Variants in ARMC6 observed in about 807,000 individuals in gnomAD.
The protein encoded by ARMC6 is armadillo repeat-containing protein 6.
Under a neutral mutation model 49.2 loss-of-function variants are expected in ARMC6, and 43 were observed. That is an observed-to-expected ratio of 0.87 (90% CI 0.69 to 1.13). ARMC6 has a LOEUF of 1.13. Among genes scored for constraint, ARMC6 ranks in the 50% most tolerant of loss-of-function variants. The probability of loss-of-function intolerance (pLI) is 0.00; values close to 1 mark genes in which losing one functional copy is unlikely to be tolerated. For missense variants in ARMC6, 627 were observed against 682.0 expected (o/e 0.92, Z 0.90); for synonymous variants, 262 against 289.6 (o/e 0.90, Z 0.97).
At position 19,051,925 on chromosome 19, in the gene ARMC6, A is replaced by G. The variant is rs1056195220; in HGVS notation, c.583A>G (p.Thr195Ala). Residue 195 changes from threonine to alanine, a missense_variant, in exon 5 of 9, where the codon ACC becomes GCC. Thr to Ala is a moderately conservative substitution (Grantham distance 58). Coordinates refer to ENST00000535612, the MANE Select transcript of ARMC6 (RefSeq NM_001199196.2). ...CCAGAATGCTGATGAGGCTGACCTGACCTGCTCTGGGATCCGCTGTGTGCG... is the reference window on the plus strand; with the variant it reads ...CCAGAATGCTGATGAGGCTGACCTGGCCTGCTCTGGGATCCGCTGTGTGCG... The part of the protein sequence containing the change: ...LTQNADEADL[T>A]CSGIRCVRHA... The G allele has an allele frequency of 2.0e-5, 32 of 1,613,994 alleles. No homozygotes were observed. The highest frequency in any genetic ancestry group is 2.6e-5 in the Non-Finnish European group (31 of 1,180,040).
At chr19:19,034,923 G>T (rs2059338982) in intron 2 of ARMC6, among the ~76,000 whole-genome samples, 2 of 147,478 alleles carry the variant, frequency 1.4e-5, no homozygotes, top group South Asian at 2.2e-4. Flanking sequence ...GTGCAGTGGC[G>T]CAATCTCAGC....
chr19:19,036,658 C>T (rs986695705), intron 2 of ARMC6, among the ~76,000 whole-genome samples: 66 of 152,272 alleles, frequency 4.3e-4, no homozygotes, highest in African/African-American at 1.5e-3. Flanking sequence ...AAAGAGCTCC[C>T]TTTTCTTCTG....
At chr19:19,051,598 T>G in intron 4 of ARMC6, 24 bp from the exon 5 acceptor site, 1 of 1,562,448 alleles carries the variant, frequency 6.4e-7, no homozygotes, top group Non-Finnish European at 8.7e-7. Flanking sequence ...GAGCTGATGC[T>G]GAGGTTTCTC....
intron 2 of ARMC6, 32 bp from the exon 3 acceptor site, chr19:19,042,679 G>C: frequency 6.2e-7 from 1 of 1,608,286 alleles, no homozygotes; most frequent in Non-Finnish European, 8.5e-7. Context: ...GCTCACCCTT[G>C]AGGTAGCTCT....
Position 19,042,973 on chromosome 19 carries a change from C to G in ARMC6, c.196+96C>G. ...CCCGCCCCACTGGGGGTGCCACATG[C>G]CTGGCATAGAAACCAGGTGCCATTG... On this transcript the variant is annotated intron_variant, in intron 3 of 8. Coordinates refer to ENST00000535612, the MANE Select transcript of ARMC6 (RefSeq NM_001199196.2). The G allele has an allele frequency of 2.7e-6, 4 of 1,476,204 alleles. No homozygotes were observed. The South Asian group carries it at 3.7e-5, about 14-fold the overall frequency. 91.4% of individuals were successfully genotyped at this position (1,476,204 alleles called of 1,614,324 possible).
At chr19:19,038,898 T>TATACAC (rs1555756882) in intron 2 of ARMC6, among the ~76,000 whole-genome samples, 2 of 147,210 alleles carry the variant, frequency 1.4e-5, no homozygotes, top group Non-Finnish European at 3.0e-5. Flanking sequence ...TTTGTGTGTA[T>TATACAC]ACACACACAC....
chr19:19,043,081 T>C (rs1250815492), intron 3 of ARMC6, among the ~76,000 whole-genome samples: 1 of 152,198 alleles, frequency 6.6e-6, no homozygotes, highest in Non-Finnish European at 1.5e-5. Flanking sequence ...CGCCCAGATA[T>C]TTGTGGGCTG....
chr19:19,039,919 T>C (rs2059398552), intron 2 of ARMC6, among the ~76,000 whole-genome samples: 2 of 152,184 alleles, frequency 1.3e-5, no homozygotes, highest in African/African-American at 4.8e-5. Flanking sequence ...TTGGTTAAGG[T>C]GTCAGAGCTG....
chr19:19,056,810 CAG>C (rs1382754925), intron 8 of ARMC6, among the ~76,000 whole-genome samples: 4 of 152,188 alleles, frequency 2.6e-5, no homozygotes, highest in African/African-American at 9.6e-5. Context: ...CTGGGACCCA[CAG>C]GGGGCCTTTG....
chr19:19,037,853 C>A (rs1048510464), intron 2 of ARMC6: 1 of 318,180 alleles, frequency 3.1e-6, no homozygotes, highest in Non-Finnish European at 5.3e-6. Flanking sequence ...TGGTTAAGAT[C>A]ATCTACAGCA....
intron 8 of ARMC6, 128 bp downstream of exon 8, chr19:19,056,056 C>T (rs2059542248): frequency 9.4e-7 from 1 of 1,066,898 alleles, no homozygotes; most frequent in Non-Finnish European, 1.3e-6. Flanking sequence ...TATCCCTATC[C>T]CTGTCCCTGT....
intron 4 of ARMC6, among the ~76,000 whole-genome samples, chr19:19,051,371 CTCTCTG>C (rs1392021765): frequency 1.7e-4 from 21 of 122,884 alleles, no homozygotes; most frequent in African/African-American, 5.1e-4. Flanking sequence ...CTCTCTCTCT[CTCTCTG>C]TGTGTGTGTG....
chr19:19,056,002 C>T (rs983733263), intron 8 of ARMC6, 74 bp downstream of exon 8: 46 of 1,503,744 alleles, frequency 3.1e-5, no homozygotes, highest in Non-Finnish European at 3.7e-5. Context: ...GGCATGGGAG[C>T]AGGTGCGGTG....
chr19:19,053,667 C>T (rs138313031), intron 5 of ARMC6, among the ~76,000 whole-genome samples: 198 of 152,178 alleles, frequency 1.3e-3, no homozygotes, highest in Non-Finnish European at 2.2e-3. Flanking sequence ...GCCCTCTTGG[C>T]GTGAGTGCCG....
At position 19,052,158 on chromosome 19, in the gene ARMC6, GAAC is replaced by G; in HGVS notation, c.819_821del (p.Asn273del). 1 of 1,612,272 alleles carries G rather than the reference GAAC, an allele frequency of 6.2e-7. No homozygotes were observed. The highest frequency in any genetic ancestry group is 2.2e-5 in the East Asian group (1 of 44,880). ...ACCATGCCAAGATGATTGTGCAGGAGAACAAAGGCTTGAAGGTGCTCATCGAAG... is the reference window on the plus strand; with the variant it reads ...ACCATGCCAAGATGATTGTGCAGGAGAAAGGCTTGAAGGTGCTCATCGAAG... On this transcript the variant is annotated inframe_deletion, in exon 5 of 9. Coordinates refer to ENST00000535612, the MANE Select transcript of ARMC6 (RefSeq NM_001199196.2).
At position 19,045,493 on chromosome 19, in the gene ARMC6, C is replaced by CTTTTTTTTTTTTTTTTTTTTTT. The variant is rs11270900; in HGVS notation, c.279+1430_279+1431insTTTTTTTTTTTTTTTTTTTTTT. 1.6e-3 allele frequency among the ~76,000 whole-genome samples: 146 copies of CTTTTTTTTTTTTTTTTTTTTTT among 89,112 alleles called. 30 individuals are homozygous for CTTTTTTTTTTTTTTTTTTTTTT. Among genetic ancestry groups the CTTTTTTTTTTTTTTTTTTTTTT allele is most frequent in the East Asian group, 3.8e-3 (10 of 2,618 alleles). 58.5% of individuals were successfully genotyped at this position (89,112 alleles called of 152,430 possible). ...TAAGTGCTCAGCATTATGCTAAATT[C>CTTTTTTTTTTTTTTTTTTTTTT]TTTTTTTTTTTGAGACAAGAGTCTC... is the stretch of plus-strand genomic sequence containing the variant. On this transcript the variant is annotated intron_variant, in intron 4 of 8. Coordinates refer to ENST00000535612, the MANE Select transcript of ARMC6 (RefSeq NM_001199196.2).
intron 2 of ARMC6, among the ~76,000 whole-genome samples, chr19:19,042,246 T>C (rs2059416596): frequency 6.6e-6 from 1 of 152,224 alleles, no homozygotes; most frequent in African/African-American, 2.4e-5. Flanking sequence ...ATCATTATTA[T>C]TTGCTACATC....
chr19:19,051,815 C>G lies in ARMC6; in HGVS notation c.473C>G (p.Ser158Cys). 1.9e-6 allele frequency: 3 copies of G among 1,614,022 alleles called. No individual in the cohort carries two copies. The East Asian group carries it at 6.7e-5, about 36-fold the overall frequency. The change falls in exon 5 of 9, where the codon TCC becomes TGC. Residue 158 changes from serine (S) to cysteine (C), a missense_variant. Physicochemically the swap from Ser to Cys is moderately radical, Grantham distance 112. Transcript: ENST00000535612. ...TAGDQGLLLQSLNALSVLTDG... is the reference protein window; with the variant it reads ...TAGDQGLLLQCLNALSVLTDG... ...GGTGACCAGGGCCTTCTGCTCCAGT[C>G]CCTCAATGCCCTGTCGGTGCTGACT...
chr19:19,051,568 G>T (rs1265663727), intron 4 of ARMC6, 54 bp from the exon 5 acceptor site: 3 of 1,483,642 alleles, frequency 2.0e-6, no homozygotes, highest in Admixed American at 2.1e-5. Context: ...TGTTGCTGTG[G>T]CCATGGGTTC....
Sources: allele counts gnomAD v4.1 joint callset (sites outside exome capture counted in the v4.1 genomes callset), GRCh38; gene constraint gnomAD v4.1.1; transcripts MANE v1.5; gene names NCBI Gene and HGNC (gene_info 2026-07-23, HGNC 2026-07-21).